Variants in DUSP22 observed in about 807,000 individuals in gnomAD.
The protein encoded by DUSP22 is dual specificity phosphatase 22, also known as dual specificity protein phosphatase 22.
In DUSP22, 24 loss-of-function variants were observed where a neutral mutation model predicts 24.5. That is an observed-to-expected ratio of 0.98 (90% CI 0.71 to 1.38). DUSP22 has a LOEUF of 1.38. DUSP22 is among the 40% of genes most tolerant of loss of function. The pLI is 0.00. For missense variants in DUSP22, 330 were observed against 269.2 expected, an observed-to-expected ratio of 1.23 and a Z score of -1.58; for synonymous variants, 160 against 106.4, an observed-to-expected ratio of 1.50 and a Z score of -3.10.
In DUSP22 at chr6:348,939, G is replaced by A. The variant is rs755974466; in HGVS notation, c.606G>A (p.Thr202=). Residue 202 remains threonine, a synonymous_variant, in exon 7 of 7, where the codon ACG becomes ACA. Transcript: ENST00000419235. ...CTCCGCTGACCTACGATAATTATACGACGGAGACCTAACGCAAGCGACCTG... is the reference window on the plus strand; with the variant it reads ...CTCCGCTGACCTACGATAATTATACAACGGAGACCTAACGCAAGCGACCTG... The part of the protein sequence containing the change: ...ALAPLTYDNY[T]TET 1.9e-5 allele frequency: 31 copies of A among 1,602,010 alleles called. No homozygotes were observed. Among genetic ancestry groups the A allele is most frequent in the Middle Eastern group, 1.7e-4 (1 of 6,036 alleles).
intron 5 of DUSP22, among the ~76,000 whole-genome samples, chr6:347,076 G>A (rs1028747532): frequency 7.9e-5 from 12 of 152,284 alleles, no homozygotes; most frequent in Non-Finnish European, 1.6e-4. Flanking sequence ...TTTCTGTTTG[G>A]CTTTAACATA....
intron 5 of DUSP22, 37 bp from the exon 6 acceptor site, chr6:348,066 A>G (rs771612383): frequency 6.2e-7 from 1 of 1,610,736 alleles, no homozygotes; most frequent in Non-Finnish European, 8.5e-7. Flanking sequence ...GGAGATCTGA[A>G]ACTGCCCTCA....
At chr6:320,340 G>T (rs1581165777) in intron 3 of DUSP22, 1 of 153,004 alleles carries the variant, frequency 6.5e-6, no homozygotes, top group South Asian at 2.1e-4. Flanking sequence ...CCTGACGGCT[G>T]TACTTGAGCA....
chr6:303,012 G>A (rs924186456), intron 1 of DUSP22, among the ~76,000 whole-genome samples: 28 of 152,410 alleles, frequency 1.8e-4, no homozygotes, highest in Admixed American at 5.2e-4. Context: ...GCCTTGTTGA[G>A]AAAAGGACTC....
intron 3 of DUSP22, among the ~76,000 whole-genome samples, chr6:323,475 C>T (rs1465588836): frequency 6.6e-6 from 1 of 152,310 alleles, no homozygotes; most frequent in Non-Finnish European, 1.5e-5. Context: ...CATCTGAAAT[C>T]TGAGTTAGAG....
Position 292,513 on chromosome 6 carries a change from G to C in DUSP22, c.-27G>C, listed in dbSNP as rs1320553453. The C allele has an allele frequency of 6.2e-7, 1 of 1,604,586 alleles. No homozygotes were observed. Among genetic ancestry groups the C allele is most frequent in the South Asian group, 1.1e-5 (1 of 90,398 alleles). ...TAGTGCGCCTGCGACCACACGGCCGGGGCGCTAGCGTTCGCCTTCAGCCAC... is the reference window on the plus strand; with the variant it reads ...TAGTGCGCCTGCGACCACACGGCCGCGGCGCTAGCGTTCGCCTTCAGCCAC... On this transcript the variant is annotated 5_prime_UTR_variant, in exon 1 of 7. Coordinates refer to ENST00000419235, the MANE Select transcript of DUSP22 (RefSeq NM_001286555.3).
At chr6:308,388 A>G (rs1339004980) in intron 2 of DUSP22, among the ~76,000 whole-genome samples, 1 of 152,310 alleles carries the variant, frequency 6.6e-6, no homozygotes, top group Non-Finnish European at 1.5e-5. Flanking sequence ...GTCTGTAAGA[A>G]TTAAAGTTCC....
At chr6:321,915 C>G (rs1352225137) in intron 3 of DUSP22, among the ~76,000 whole-genome samples, 1 of 152,298 alleles carries the variant, frequency 6.6e-6, no homozygotes, top group African/African-American at 2.4e-5. Context: ...GGAAACAGAG[C>G]TGGGTGGAAG....
At chr6:309,716 A>T (rs1166202631) in intron 2 of DUSP22, among the ~76,000 whole-genome samples, 5 of 5,656 alleles carry the variant, frequency 8.8e-4, no homozygotes, top group African/African-American at 3.2e-3. Flanking sequence ...ACACACACAC[A>T]CATACTATAA....
At chr6:309,042 C>T (rs1272812316) in intron 2 of DUSP22, among the ~76,000 whole-genome samples, 1 of 152,302 alleles carries the variant, frequency 6.6e-6, no homozygotes, top group Non-Finnish European at 1.5e-5. Flanking sequence ...TTGGAAAATC[C>T]CATTTTGGTG....
chr6:301,730 C>A (rs530538237), intron 1 of DUSP22, among the ~76,000 whole-genome samples: 3 of 152,270 alleles, frequency 2.0e-5, no homozygotes, highest in African/African-American at 7.2e-5. Flanking sequence ...GGTTTTCATT[C>A]GGGGTGACTG....
At chr6:309,203 G>A (rs978258818) in intron 2 of DUSP22, among the ~76,000 whole-genome samples, 1 of 152,304 alleles carries the variant, frequency 6.6e-6, no homozygotes, top group Admixed American at 6.5e-5. Context: ...CTCATCCATA[G>A]CAGGTGGCTT....
At chr6:326,487 TGCGGGTGCCTG>T (rs1758879520) in intron 3 of DUSP22, among the ~76,000 whole-genome samples, 1 of 147,962 alleles carries the variant, frequency 6.8e-6, no homozygotes, top group Non-Finnish European at 1.5e-5. Flanking sequence ...ATGCTGTATC[TGCGGGTGCCTG>T]GAGAGTCATC....
At chr6:319,134 A>AT (rs201704378) in intron 3 of DUSP22, among the ~76,000 whole-genome samples, 4 of 151,738 alleles carry the variant, frequency 2.6e-5, no homozygotes, top group African/African-American at 9.7e-5. Flanking sequence ...TTTTTCCTCT[A>AT]TTTAAAAAAA....
chr6:318,047 TC>T (rs1758414918), intron 3 of DUSP22, among the ~76,000 whole-genome samples: 1 of 152,306 alleles, frequency 6.6e-6, no homozygotes. Context: ...TCTGTGTAGT[TC>T]CTCACTTCCT....
At chr6:343,166 C>T (rs1297657733) in intron 4 of DUSP22, among the ~76,000 whole-genome samples, 1 of 152,306 alleles carries the variant, frequency 6.6e-6, no homozygotes, top group Non-Finnish European at 1.5e-5. Context: ...ACCAAGCCAC[C>T]TTATTACATC....
chr6:318,748 T>C (rs1758442892), intron 3 of DUSP22, among the ~76,000 whole-genome samples: 2 of 152,304 alleles, frequency 1.3e-5, no homozygotes, highest in South Asian at 2.1e-4. Flanking sequence ...GATGTTCAAG[T>C]GTGCAGCCAT....
At chr6:339,735 TC>T (rs1428624973) in intron 4 of DUSP22, among the ~76,000 whole-genome samples, 1 of 152,306 alleles carries the variant, frequency 6.6e-6, no homozygotes, top group Non-Finnish European at 1.5e-5. Context: ...ATTGAAAACA[TC>T]GGTAAAACGT....
chr6:299,032 A>T (rs1412457752), intron 1 of DUSP22, among the ~76,000 whole-genome samples: 6 of 152,416 alleles, frequency 3.9e-5, no homozygotes, highest in African/African-American at 1.4e-4. Context: ...CCACTCAGGA[A>T]CAGTGTCCCC....
Sources: allele counts gnomAD v4.1 joint callset (sites outside exome capture counted in the v4.1 genomes callset), GRCh38; gene constraint gnomAD v4.1.1; transcripts MANE v1.5; gene names NCBI Gene and HGNC (gene_info 2026-07-23, HGNC 2026-07-21).